Variants in DACH2 observed in about 807,000 individuals in gnomAD.
DACH2 encodes dachshund family transcription factor 2.
DACH2 carries 17 observed loss-of-function variants against 35.8 expected under a neutral mutation model. That is an observed-to-expected ratio of 0.48 (90% CI 0.33 to 0.71). DACH2 has a LOEUF of 0.71. Ranked by LOEUF, DACH2 falls within the 30% of genes least tolerant of loss-of-function variation. The probability of loss-of-function intolerance (pLI) is 0.02; values close to 1 mark genes in which losing one functional copy is unlikely to be tolerated. For missense variants in DACH2, 469 were observed against 472.7 expected, an observed-to-expected ratio of 0.99 and a Z score of 0.07; for synonymous variants, 195 against 177.3, an observed-to-expected ratio of 1.10 and a Z score of -0.79.
At chrX:86,602,756 T>C (rs142911221) in intron 3 of DACH2, among the ~76,000 whole-genome samples, 5 of 111,874 alleles carry the variant, frequency 4.5e-5, no homozygotes, top group African/African-American at 9.7e-5. Context: ...TTTTCAAATA[T>C]ATTTTCCCCA....
chrX:86,765,698 G>GTTTTTTTTTTT (rs60709865), intron 7 of DACH2, among the ~76,000 whole-genome samples: 10 of 24,631 alleles, frequency 4.1e-4, no homozygotes, highest in African/African-American at 5.2e-4. Flanking sequence ...TTGTTTTTTG[G>GTTTTTTTTTTT]TTTTTTTTTT....
intron 2 of DACH2, among the ~76,000 whole-genome samples, chrX:86,493,986 G>A (rs1387076006): frequency 1.8e-5 from 2 of 111,317 alleles, no homozygotes; most frequent in African/African-American, 3.3e-5. Context: ...TCAAACTCTG[G>A]TCATAATTCT....
intron 7 of DACH2, among the ~76,000 whole-genome samples, chrX:86,787,300 C>T (rs1052120847): frequency 9.0e-6 from 1 of 111,289 alleles, no homozygotes; most frequent in African/African-American, 3.3e-5. Flanking sequence ...ATTAAAAGAT[C>T]CAGTTTACTC....
chrX:86,687,675 A>T (rs981469505), intron 4 of DACH2, among the ~76,000 whole-genome samples: 1 of 111,898 alleles, frequency 8.9e-6, no homozygotes, highest in African/African-American at 3.3e-5. Flanking sequence ...GGATTAAGAA[A>T]ATGTGGCACA....
At chrX:86,463,548 G>A (rs975507227) in intron 2 of DACH2, among the ~76,000 whole-genome samples, 3 of 110,485 alleles carry the variant, frequency 2.7e-5, no homozygotes, top group African/African-American at 6.6e-5. Flanking sequence ...AGACTTAAAC[G>A]AAAAACCCCA....
chrX:86,694,423 T>A (rs1007101881), intron 4 of DACH2, among the ~76,000 whole-genome samples: 1 of 112,081 alleles, frequency 8.9e-6, no homozygotes, highest in African/African-American at 3.2e-5. Context: ...GTATTCTGCA[T>A]TTATACACAC....
At chrX:86,644,172 C>T (rs901940909) in intron 3 of DACH2, among the ~76,000 whole-genome samples, 17 of 111,074 alleles carry the variant, frequency 1.5e-4, no homozygotes, top group African/African-American at 5.2e-4. Context: ...GGAAGTCAAA[C>T]GATCTCTGTT....
chrX:86,300,256 G>A (rs2148011996), intron 1 of DACH2, among the ~76,000 whole-genome samples: 1 of 111,667 alleles, frequency 9.0e-6, no homozygotes, highest in East Asian at 2.8e-4. Context: ...TTGCATAATA[G>A]TGCTTAAGAA....
At chrX:86,798,409 C>T (rs2042259589) in intron 7 of DACH2, among the ~76,000 whole-genome samples, 1 of 112,748 alleles carries the variant, frequency 8.9e-6, no homozygotes, top group East Asian at 2.8e-4. Context: ...ACTGTTTTAA[C>T]AACTACTCAG....
chrX:86,277,935 T>A (rs1463075472), intron 1 of DACH2, among the ~76,000 whole-genome samples: 4 of 111,958 alleles, frequency 3.6e-5, no homozygotes, highest in Admixed American at 9.5e-5. Flanking sequence ...TCTCCTATTC[T>A]ATGCAACAAC....
intron 1 of DACH2, among the ~76,000 whole-genome samples, chrX:86,209,003 T>C (rs5968826): frequency 0.15 from 17,106 of 111,106 alleles, 3,218 homozygotes; most frequent in African/African-American, 0.53. Flanking sequence ...TGCTATTTCA[T>C]AGGCATGAAG....
chrX:86,640,859 C>T (rs770239567), intron 3 of DACH2, among the ~76,000 whole-genome samples: 1 of 111,862 alleles, frequency 8.9e-6, no homozygotes, highest in Non-Finnish European at 1.9e-5. Context: ...AACATTTCCC[C>T]ATCTGAAACC....
At chrX:86,635,700 A>G (rs1442356174) in intron 3 of DACH2, among the ~76,000 whole-genome samples, 1 of 111,780 alleles carries the variant, frequency 8.9e-6, no homozygotes, top group African/African-American at 3.3e-5. Context: ...TACAAAATCA[A>G]TGCATAAAAA....
chrX:86,278,648 G>A (rs1290507856), intron 1 of DACH2, among the ~76,000 whole-genome samples: 1 of 111,936 alleles, frequency 8.9e-6, no homozygotes, highest in Non-Finnish European at 1.9e-5. Context: ...GACTTTTGGA[G>A]TTTCTTTTAT....
At chrX:86,452,263 T>A (rs999303461) in intron 2 of DACH2, among the ~76,000 whole-genome samples, 29 of 112,073 alleles carry the variant, frequency 2.6e-4, no homozygotes, top group African/African-American at 9.4e-4. Flanking sequence ...TCAATGTTCA[T>A]CAAGTATATT....
At chrX:86,719,135 T>A (rs973228660) in intron 6 of DACH2, among the ~76,000 whole-genome samples, 31 of 112,302 alleles carry the variant, frequency 2.8e-4, no homozygotes, top group Non-Finnish European at 5.1e-4. Flanking sequence ...GTTTTTGACA[T>A]CTACAATTAC....
intron 1 of DACH2, among the ~76,000 whole-genome samples, chrX:86,324,562 C>T (rs973375462): frequency 3.0e-5 from 3 of 98,618 alleles, no homozygotes; most frequent in Non-Finnish European, 6.0e-5. Flanking sequence ...GTGGCAAACT[C>T]ACTGTTGTCT....
At chrX:86,554,455 T>A (rs756001152) in intron 3 of DACH2, among the ~76,000 whole-genome samples, 1 of 111,836 alleles carries the variant, frequency 8.9e-6, no homozygotes, top group Non-Finnish European at 1.9e-5. Flanking sequence ...GTTCTACAGA[T>A]TTTTTACACA....
intron 1 of DACH2, among the ~76,000 whole-genome samples, chrX:86,205,778 G>C (rs2032295135): frequency 9.3e-6 from 1 of 107,222 alleles, no homozygotes; most frequent in African/African-American, 3.4e-5. Flanking sequence ...TGTTGCCCAA[G>C]TTGACCTCGA....
Sources: allele counts gnomAD v4.1 joint callset (sites outside exome capture counted in the v4.1 genomes callset), GRCh38; gene constraint gnomAD v4.1.1; transcripts MANE v1.5; gene names NCBI Gene and HGNC (gene_info 2026-07-23, HGNC 2026-07-21).